The following HOXC4 variants were observed in gnomAD, a reference collection of about 807,000 sequenced individuals.
HOXC4 encodes homeobox C4, also known as homeobox protein Hox-C4.
HOXC4 carries 15 observed loss-of-function variants against 25.5 expected under a neutral mutation model. The ratio of observed to expected loss-of-function variants is 0.59; its 90% CI spans 0.39 to 0.91. The LOEUF (loss-of-function observed/expected upper bound fraction) is 0.91. Among genes scored for constraint, HOXC4 ranks in the 40% least tolerant of loss-of-function variants. The probability of loss-of-function intolerance (pLI) is 0.00; values close to 1 mark genes in which losing one functional copy is unlikely to be tolerated. For synonymous variants in HOXC4, 165 were observed against 148.0 expected (o/e 1.11, Z -0.83); for missense variants, 342 against 352.4 (o/e 0.97, Z 0.24).
At chr12:54,021,345 T>C (rs1429428210) in intron 1 of HOXC4, 1 of 152,248 alleles carries the variant, frequency 6.6e-6, no homozygotes, top group Non-Finnish European at 1.5e-5. Flanking sequence ...CAAGACCTGG[T>C]CAGGGAGACG....
At chr12:54,050,222 C>T (rs1385268476), upstream of HOXC4, among the ~76,000 whole-genome samples, 1 of 152,074 alleles carries the variant, frequency 6.6e-6, no homozygotes, top group African/African-American at 2.4e-5. Context: ...AATCCAGGCA[C>T]AATAAGGCCT....
At chr12:54,036,431 T>C (rs560879399) in intron 1 of HOXC4, among the ~76,000 whole-genome samples, 10 of 152,294 alleles carry the variant, frequency 6.6e-5, no homozygotes, top group Admixed American at 6.5e-5. Context: ...TTAATGCTGA[T>C]GCTCCTTGGA....
chr12:54,027,193 C>T (rs1592229728), intron 1 of HOXC4, among the ~76,000 whole-genome samples: 1 of 152,276 alleles, frequency 6.6e-6, no homozygotes, highest in Non-Finnish European at 1.5e-5. Context: ...TTTTTTTAGC[C>T]CCAAGATGGG....
chr12:54,035,246 C>T (rs2136451463), intron 1 of HOXC4: 1 of 152,948 alleles, frequency 6.5e-6, no homozygotes, highest in Non-Finnish European at 1.5e-5. Flanking sequence ...CCCATAGTCC[C>T]TGCCACGAAT....
chr12:54,028,975 C>T, intron 1 of HOXC4: 1 of 1,514,630 alleles, frequency 6.6e-7, no homozygotes, highest in Non-Finnish European at 8.9e-7. Context: ...GGCTTTATGA[C>T]CGGCTTCCCT....
At chr12:54,027,335 C>A (rs1326298267) in intron 1 of HOXC4, among the ~76,000 whole-genome samples, 1 of 152,212 alleles carries the variant, frequency 6.6e-6, no homozygotes, top group Non-Finnish European at 1.5e-5. Flanking sequence ...GGCGCCTCCA[C>A]TGGCGGTGCC....
chr12:54,048,507 T>C (rs1189352005), intron 1 of HOXC4, among the ~76,000 whole-genome samples: 1 of 152,172 alleles, frequency 6.6e-6, no homozygotes, highest in Admixed American at 6.5e-5. Context: ...AAATGCACGG[T>C]CTTTGGGAAT....
At chr12:54,032,668 T>C (rs1941028509) in intron 1 of HOXC4, among the ~76,000 whole-genome samples, 1 of 152,196 alleles carries the variant, frequency 6.6e-6, no homozygotes, top group Non-Finnish European at 1.5e-5. Context: ...AACAACCAGC[T>C]TCTCCTTCAC....
upstream of HOXC4, among the ~76,000 whole-genome samples, chr12:54,051,802 G>C (rs141127308): frequency 6.6e-6 from 1 of 152,314 alleles, no homozygotes; most frequent in East Asian, 1.9e-4. Context: ...GCCCAGGCGG[G>C]AATCCGCACC....
chr12:54,026,556 A>G (rs560272968), intron 1 of HOXC4, among the ~76,000 whole-genome samples: 11 of 152,258 alleles, frequency 7.2e-5, no homozygotes, highest in African/African-American at 2.6e-4. Context: ...AACCTTTATA[A>G]TTATAGGAGT....
At chr12:54,042,795 C>T (rs948757269) in intron 1 of HOXC4, among the ~76,000 whole-genome samples, 4 of 152,148 alleles carry the variant, frequency 2.6e-5, no homozygotes, top group African/African-American at 9.7e-5. Flanking sequence ...CCAAGAAAGT[C>T]ACATCCTTTC....
chr12:54,024,728 T>G (rs1405817302), intron 1 of HOXC4, among the ~76,000 whole-genome samples: 1 of 148,326 alleles, frequency 6.7e-6, no homozygotes, highest in East Asian at 2.0e-4. Context: ...TAAAGGGGAG[T>G]AAGGCTGGAG....
intron 1 of HOXC4, among the ~76,000 whole-genome samples, chr12:54,040,376 T>TCCTC (rs1565749108): frequency 6.6e-6 from 1 of 152,180 alleles, no homozygotes; most frequent in Non-Finnish European, 1.5e-5. Context: ...CCCTGTTCCT[T>TCCTC]CCTCCCTCCC....
intron 1 of HOXC4, chr12:54,033,540 A>G: frequency 6.3e-7 from 1 of 1,598,040 alleles, no homozygotes; most frequent in Non-Finnish European, 8.5e-7. Flanking sequence ...CCCGCCACAG[A>G]TTTACCCGTG....
At chr12:54,025,883 T>G (rs1940672981) in intron 1 of HOXC4, among the ~76,000 whole-genome samples, 1 of 151,982 alleles carries the variant, frequency 6.6e-6, no homozygotes, top group South Asian at 2.1e-4. Context: ...GCATCCTTGC[T>G]GGGGGCTGTA....
intron 1 of HOXC4, among the ~76,000 whole-genome samples, chr12:54,028,003 C>T (rs781519577): frequency 6.6e-6 from 1 of 152,140 alleles, no homozygotes; most frequent in Non-Finnish European, 1.5e-5. Flanking sequence ...TAGGGACCCC[C>T]CTCCTGTGCT....
At chr12:54,018,227 T>C (rs1940252231) in intron 1 of HOXC4, among the ~76,000 whole-genome samples, 1 of 152,216 alleles carries the variant, frequency 6.6e-6, no homozygotes, top group South Asian at 2.1e-4. Context: ...CTACCGGCTT[T>C]CCCTTCCGGG....
At chr12:54,039,639 T>C (rs1941238369) in intron 1 of HOXC4, among the ~76,000 whole-genome samples, 1 of 152,128 alleles carries the variant, frequency 6.6e-6, no homozygotes, top group Non-Finnish European at 1.5e-5. Flanking sequence ...GGCTCTCTCC[T>C]TCCCTCTAGT....
chr12:54,046,759 C>G (rs1177745894), intron 1 of HOXC4, among the ~76,000 whole-genome samples: 1 of 152,036 alleles, frequency 6.6e-6, no homozygotes, highest in African/African-American at 2.4e-5. Flanking sequence ...CTTGTCTTCC[C>G]CTTTCTCTCC....
Sources: gnomAD v4.1 joint callset for allele counts (sites outside exome capture counted in the v4.1 genomes callset) on GRCh38, gnomAD v4.1.1 for gene constraint, MANE v1.5 for transcripts, NCBI Gene and HGNC (gene_info 2026-07-23, HGNC 2026-07-21) for gene names.